DEFB136: variants seen among roughly 807,000 people sequenced by gnomAD.
The protein encoded by DEFB136 is defensin beta 136.
Under a neutral mutation model 2.4 loss-of-function variants are expected in DEFB136, and 6 were observed. That is an observed-to-expected ratio of 2.45 (90% CI 1.34 to 4.84). The LOEUF (loss-of-function observed/expected upper bound fraction) is 4.84, where lower values mean the gene tolerates loss of function less well. Ranked by LOEUF, DEFB136 falls within the 30% of genes most tolerant of loss-of-function variation. The pLI is 0.00. For missense variants in DEFB136, 126 were observed against 98.4 expected, an observed-to-expected ratio of 1.28 and a Z score of -1.19; for synonymous variants, 47 against 35.2, an observed-to-expected ratio of 1.33 and a Z score of -1.18.
Position 11,974,539 on chromosome 8 carries a change from T to A in DEFB136, c.55+6A>T. On this transcript the variant is annotated splice_donor_region_variant and intron_variant, in intron 1 of 1. Transcript: ENST00000382209. ...TTTATGTTCAGACTCACGCCCACTG[T>A]CTTACCTGAAGGCAGTAAGATCACC... 5 of 1,614,092 alleles carry A rather than the reference T, an allele frequency of 3.1e-6. No homozygotes were observed. The highest frequency in any genetic ancestry group is 4.2e-6 in the Non-Finnish European group (5 of 1,179,940).
chr8:11,974,021 A>G lies in DEFB136; in HGVS notation c.153T>C (p.Ile51=). Reference sequence around the variant, plus strand: ...AAGACAGAATATTGTGGCAGAACGCAATCCACCTGTATCCTGGCGGACACC... The same window carrying G: ...AAGACAGAATATTGTGGCAGAACGCGATCCACCTGTATCCTGGCGGACACC... ...FFGCPPGYRW[I]AFCHNILSCC... Residue 51 remains isoleucine, a synonymous_variant, in exon 2 of 2, where the codon ATT becomes ATC. Transcript: ENST00000382209. The G allele has an allele frequency of 6.2e-7, 1 of 1,612,254 alleles. No individual in the cohort carries two copies. The highest frequency in any genetic ancestry group is 8.5e-7 in the Non-Finnish European group (1 of 1,179,180).
Position 11,973,994 on chromosome 8 carries a change from G to C in DEFB136, c.180C>G (p.Cys60Trp), listed in dbSNP as rs776251811. Residue 60 changes from cysteine (C) to tryptophan (W), a missense_variant, in exon 2 of 2, where the codon TGC becomes TGG. Physicochemically the swap from Cys to Trp is radical, Grantham distance 215. Coordinates refer to ENST00000382209, the MANE Select transcript of DEFB136 (RefSeq NM_001033018.2). ...WIAFCHNILSCCKNMTRFQPP... is the reference protein window; with the variant it reads ...WIAFCHNILSWCKNMTRFQPP... ...GTTGAAAACGTGTCATATTTTTACA[G>C]CAAGACAGAATATTGTGGCAGAACG... 5 of 1,608,872 alleles carry C rather than the reference G, an allele frequency of 3.1e-6. No homozygotes were observed. The highest frequency in any genetic ancestry group is 4.2e-6 in the Non-Finnish European group (5 of 1,178,308).
intron 1 of DEFB136, 127 bp downstream of exon 1, chr8:11,974,418 G>A (rs1563104240): frequency 3.4e-6 from 4 of 1,164,986 alleles, no homozygotes; most frequent in Non-Finnish European, 5.0e-6. Context: ...CGCTCACCAT[G>A]CCCCTAACAT....
intron 1 of DEFB136, 136 bp downstream of exon 1, chr8:11,974,409 G>A (rs550434432): frequency 1.2e-4 from 132 of 1,099,340 alleles, no homozygotes; most frequent in African/African-American, 7.7e-4. Context: ...GCTGGGGTCC[G>A]CTCACCATGC....
rs376086722 is a variant in DEFB136, at chr8:11,973,945, C to T, written c.229G>A (p.Val77Ile). The change falls in exon 2 of 2, where the codon GTT becomes ATT. Residue 77 changes from valine (V) to isoleucine (I), a missense_variant. Transcript: ENST00000382209. ...FQPPQAKDPW[V>I]H ...GCCATTCACATATCCTTTTAATGAA[C>T]CCATGGATCTTTGGCTTGCGGGGGT... 6 of 1,587,288 alleles carry T rather than the reference C, an allele frequency of 3.8e-6. No homozygotes were observed. Among genetic ancestry groups the T allele is most frequent in the Non-Finnish European group, 5.1e-6 (6 of 1,167,278 alleles).
chr8:11,974,085 A>C lies in DEFB136; in HGVS notation c.89T>G (p.Val30Gly). ...KGMFGNDGVK[V>G]RTCTSQKAVC... ...GGCTTTCTGGCTAGTGCAGGTGCGA[A>C]CTTTGACTCCATCATTCCCAAACAT... The change falls in exon 2 of 2, where the codon GTT becomes GGT. Residue 30 changes from valine to glycine, a missense_variant. Physicochemically the swap from Val to Gly is moderately radical, Grantham distance 109. Transcript: ENST00000382209. The C allele has an allele frequency of 3.8e-6, 6 of 1,591,964 alleles. No homozygotes were observed. The highest frequency in any genetic ancestry group is 5.1e-6 in the Non-Finnish European group (6 of 1,171,324).
rs762547832 is a variant in DEFB136, at chr8:11,974,019, G to T, written c.155C>A (p.Ala52Glu). The T allele has an allele frequency of 8.7e-6, 14 of 1,611,634 alleles. No individual in the cohort carries two copies. The highest frequency in any genetic ancestry group is 6.8e-6 in the Non-Finnish European group (8 of 1,178,864). Residue 52 changes from alanine to glutamate, a missense_variant, in exon 2 of 2, where the codon GCG (alanine) becomes GAG (glutamate). Ala to Glu is a moderately radical substitution (Grantham distance 107). Transcript: ENST00000382209. ...GCAAGACAGAATATTGTGGCAGAAC[G>T]CAATCCACCTGTATCCTGGCGGACA... The part of the protein sequence containing the change: ...FGCPPGYRWI[A>E]FCHNILSCCK...
intron 1 of DEFB136, 58 bp downstream of exon 1, chr8:11,974,487 G>T: frequency 6.3e-7 from 1 of 1,587,868 alleles, no homozygotes; most frequent in Non-Finnish European, 8.6e-7. Context: ...GGTTTTTTAA[G>T]CATCTCAATC....
chr8:11,974,458 G>T, intron 1 of DEFB136, 87 bp downstream of exon 1: 2 of 1,496,384 alleles, frequency 1.3e-6, no homozygotes, highest in Non-Finnish European at 1.9e-6. Context: ...GTGTCCTGTT[G>T]CTGGGCTTAT....
Position 11,973,991 on chromosome 8 carries a change from A to G in DEFB136, c.183T>C (p.Cys61=). 1 of 1,606,696 alleles carries G rather than the reference A, an allele frequency of 6.2e-7. No individual in the cohort carries two copies. Among genetic ancestry groups the G allele is most frequent in the Non-Finnish European group, 8.5e-7 (1 of 1,177,498 alleles). The stretch of plus-strand genomic sequence containing the variant: ...GGGGTTGAAAACGTGTCATATTTTT[A>G]CAGCAAGACAGAATATTGTGGCAGA... ...IAFCHNILSC[C]KNMTRFQPPQ... The change falls in exon 2 of 2, where the codon TGT becomes TGC. Residue 61 remains cysteine (C), a synonymous_variant. Transcript: ENST00000382209.
At position 11,974,591 on chromosome 8, in the gene DEFB136, G is replaced by C; in HGVS notation, c.9C>G (p.Leu3=). ...GGAAAAAGAGTAATGCAGAAAGACAGAGGTTCATGGCCGAAGAGGGCACAG... is the reference window on the plus strand; with the variant it reads ...GGAAAAAGAGTAATGCAGAAAGACACAGGTTCATGGCCGAAGAGGGCACAG... MN[L]CLSALLFFLV... The change falls in exon 1 of 2, where the codon CTC becomes CTG. Residue 3 remains leucine (L), a synonymous_variant. Transcript: ENST00000382209. The C allele has an allele frequency of 3.1e-6, 5 of 1,614,148 alleles. No individual in the cohort carries two copies. Among genetic ancestry groups the C allele is most frequent in the Non-Finnish European group, 4.2e-6 (5 of 1,179,980 alleles).
chr8:11,974,329 A>G (rs75283565), intron 1 of DEFB136, among the ~76,000 whole-genome samples: 4,135 of 152,246 alleles, frequency 0.027, 171 homozygotes, highest in African/African-American at 0.093. Flanking sequence ...TGTGTGCACA[A>G]TGACATCCAC....
chr8:11,974,201 TTGATGGCTTGTTAGTTG>T, intron 1 of DEFB136, 83 bp from the exon 2 acceptor site: 1 of 1,445,586 alleles, frequency 6.9e-7, no homozygotes, highest in Middle Eastern at 2.0e-4. Context: ...CACCTCCTGG[TTGATGGCTTGTTAGTTG>T]TGATTTACCT....
intron 1 of DEFB136, 137 bp downstream of exon 1, chr8:11,974,408 C>A: frequency 9.2e-7 from 1 of 1,090,440 alleles, no homozygotes. Context: ...AGCTGGGGTC[C>A]GCTCACCATG....
In DEFB136 at chr8:11,974,048, G is replaced by A. The variant is rs73538682; in HGVS notation, c.126C>T (p.Phe42=). The part of the protein sequence containing the change: ...TCTSQKAVCF[F]GCPPGYRWIA... ...TCCACCTGTATCCTGGCGGACACCCGAAGAAACATACGGCTTTCTGGCTAG... is the reference window on the plus strand; with the variant it reads ...TCCACCTGTATCCTGGCGGACACCCAAAGAAACATACGGCTTTCTGGCTAG... Residue 42 remains phenylalanine, a synonymous_variant, in exon 2 of 2, where the codon TTC becomes TTT. Coordinates refer to ENST00000382209, the MANE Select transcript of DEFB136 (RefSeq NM_001033018.2). The A allele has an allele frequency of 5.5e-3, 8,892 of 1,610,624 alleles. 342 individuals are homozygous for A. The African/African-American group carries it at 0.095, about 17-fold the overall frequency.
At chr8:11,974,435 C>T (rs942160992) in intron 1 of DEFB136, 110 bp downstream of exon 1, 55 of 1,308,716 alleles carry the variant, frequency 4.2e-5, no homozygotes, top group South Asian at 3.8e-4. Context: ...ACATGGTGGC[C>T]CATTTGATAT....
chr8:11,974,062 C>G lies in DEFB136; in HGVS notation c.112G>C (p.Ala38Pro), dbSNP rs761263322. Residue 38 changes from alanine to proline, a missense_variant, in exon 2 of 2, where the codon GCC becomes CCC. Coordinates refer to ENST00000382209, the MANE Select transcript of DEFB136 (RefSeq NM_001033018.2). ...VKVRTCTSQK[A>P]VCFFGCPPGY... ...GGCGGACACCCGAAGAAACATACGG[C>G]TTTCTGGCTAGTGCAGGTGCGAACT... 177 of 1,608,482 alleles carry G rather than the reference C, an allele frequency of 1.1e-4. No individual in the cohort carries two copies. The highest frequency in any genetic ancestry group is 3.3e-4 in the Middle Eastern group (2 of 6,058).
At position 11,974,212 on chromosome 8, in the gene DEFB136, T is replaced by G. The variant is rs923316117; in HGVS notation, c.56-94A>C. The G allele has an allele frequency of 9.2e-6, 13 of 1,417,048 alleles. No individual in the cohort carries two copies. The Admixed American group carries it at 3.1e-4, about 34-fold the overall frequency. The allele number at this position is 1,417,048 out of a possible 1,614,324, so 87.8% of individuals were successfully genotyped here. A position where few individuals can be genotyped will look rare whatever the true frequency, so the allele number is the denominator to read the frequency against. ...CCATCACCTCCTGGTTGATGGCTTG[T>G]TAGTTGTGATTTACCTCACCTCTTA... On this transcript the variant is annotated intron_variant, in intron 1 of 1. Coordinates refer to ENST00000382209, the MANE Select transcript of DEFB136 (RefSeq NM_001033018.2).
chr8:11,974,566 G>A lies in DEFB136; in HGVS notation c.34C>T (p.Leu12=). The A allele has an allele frequency of 1.2e-6, 2 of 1,614,154 alleles. No individual in the cohort carries two copies. Among genetic ancestry groups the A allele is most frequent in the South Asian group, 1.1e-5 (1 of 91,084 alleles). ...NLCLSALLFF[L]VILLPSGKGM... The stretch of plus-strand genomic sequence containing the variant: ...TTACCTGAAGGCAGTAAGATCACCA[G>A]GAAAAAGAGTAATGCAGAAAGACAG... Residue 12 remains leucine (L), a synonymous_variant, in exon 1 of 2, where the codon CTG becomes TTG. Coordinates refer to ENST00000382209, the MANE Select transcript of DEFB136 (RefSeq NM_001033018.2).
Sources: allele counts gnomAD v4.1 joint callset (sites outside exome capture counted in the v4.1 genomes callset), GRCh38; gene constraint gnomAD v4.1.1; transcripts MANE v1.5; gene names NCBI Gene and HGNC (gene_info 2026-07-23, HGNC 2026-07-21).